SAMMSON: variants seen among roughly 807,000 people sequenced by gnomAD.
SAMMSON encodes survival associated mitochondrial melanoma specific oncogenic non-coding RNA, also known as long intergenic non-protein coding RNA 1212.
chr3:70,047,671 C>G (rs974253203), intron 3 of SAMMSON, among the ~76,000 whole-genome samples: 2 of 152,030 alleles, frequency 1.3e-5, no homozygotes, highest in Non-Finnish European at 2.9e-5. Flanking sequence ...GTGTCTTTTT[C>G]CATTTGTGAT....
chr3:70,131,584 T>C (rs534176121), intron 4 of SAMMSON, among the ~76,000 whole-genome samples: 5 of 152,076 alleles, frequency 3.3e-5, no homozygotes, highest in African/African-American at 1.2e-4. Context: ...TGCAAGGCAA[T>C]ATAATTTGCA....
At chr3:70,170,806 C>A (rs540141306) in intron 4 of SAMMSON, among the ~76,000 whole-genome samples, 1 of 151,808 alleles carries the variant, frequency 6.6e-6, no homozygotes, top group Non-Finnish European at 1.5e-5. Context: ...GAAAAATTAG[C>A]GAGTGCAGAG....
intron 7 of SAMMSON, among the ~76,000 whole-genome samples, chr3:70,294,110 A>C (rs1384260729): frequency 6.6e-6 from 1 of 152,162 alleles, no homozygotes; most frequent in Non-Finnish European, 1.5e-5. Context: ...TAAGTTTCCT[A>C]TTCTCAGTGT....
At chr3:70,408,791 C>T (rs542094252) in intron 2 of SAMMSON, among the ~76,000 whole-genome samples, 1 of 152,290 alleles carries the variant, frequency 6.6e-6, no homozygotes, top group East Asian at 1.9e-4. Context: ...GGTATCTTTT[C>T]AGCAATGCCC....
At chr3:70,285,015 T>C (rs867624560) in intron 6 of SAMMSON, among the ~76,000 whole-genome samples, 1 of 151,896 alleles carries the variant, frequency 6.6e-6, no homozygotes, top group African/African-American at 2.4e-5. Flanking sequence ...AAATTACCTA[T>C]TTTTTTATTT....
At position 70,292,936 on chromosome 3, in the gene SAMMSON, A is replaced by C. The variant is rs150332078; in HGVS notation, n.739+1693A>C. 2.8e-3 allele frequency among the ~76,000 whole-genome samples: 426 copies of C among 152,012 alleles called. 3 individuals are homozygous for C. Among genetic ancestry groups the C allele is most frequent in the African/African-American group, 9.4e-3 (390 of 41,496 alleles). On this transcript the variant is annotated intron_variant and non_coding_transcript_variant, in intron 7 of 9. Coordinates refer to ENST00000642114, the Ensembl canonical transcript of SAMMSON. ...TGATTTGAAATTATCTAACAAGAAAAACATACATACAATTAATTACTAACA... is the reference window on the plus strand; with the variant it reads ...TGATTTGAAATTATCTAACAAGAAACACATACATACAATTAATTACTAACA...
chr3:70,282,557 C>T (rs1702098276), intron 6 of SAMMSON, among the ~76,000 whole-genome samples: 1 of 152,130 alleles, frequency 6.6e-6, no homozygotes, highest in Admixed American at 6.5e-5. Context: ...TTTGAACATT[C>T]CAAGCAGTCT....
chr3:70,049,994 C>G (rs1290113059), intron 3 of SAMMSON, among the ~76,000 whole-genome samples: 1 of 152,014 alleles, frequency 6.6e-6, no homozygotes, highest in East Asian at 1.9e-4. Flanking sequence ...TTGCAAGATT[C>G]TATGTGCCAA....
At chr3:70,175,207 T>C (rs978862363) in intron 4 of SAMMSON, among the ~76,000 whole-genome samples, 1 of 152,112 alleles carries the variant, frequency 6.6e-6, no homozygotes, top group Non-Finnish European at 1.5e-5. Flanking sequence ...GATTTAATCA[T>C]GACCATAAGT....
chr3:70,412,127 A>T (rs1345185811), intron 2 of SAMMSON, among the ~76,000 whole-genome samples: 1 of 152,154 alleles, frequency 6.6e-6, no homozygotes, highest in Non-Finnish European at 1.5e-5. Flanking sequence ...TTCAATGCTG[A>T]TGAAAGTAAA....
At position 70,431,592 on chromosome 3, in the gene SAMMSON, G is replaced by A. The variant is rs1401686295; in HGVS notation, n.234-30968G>A. 2.0e-5 allele frequency among the ~76,000 whole-genome samples: 3 copies of A among 151,922 alleles called. No individual in the cohort carries two copies. The East Asian group carries it at 5.8e-4, about 29-fold the overall frequency. ...TTATGTAAATATATTTTATTGTGCTGGCCTCTGGGCATTTTTATTCAGCTA... is the reference window on the plus strand; with the variant it reads ...TTATGTAAATATATTTTATTGTGCTAGCCTCTGGGCATTTTTATTCAGCTA... On this transcript the variant is annotated intron_variant and non_coding_transcript_variant, in intron 2 of 3. Coordinates refer to the SAMMSON transcript ENST00000641053.
At chr3:70,284,962 A>G (rs1292506517) in intron 6 of SAMMSON, among the ~76,000 whole-genome samples, 1 of 152,192 alleles carries the variant, frequency 6.6e-6, no homozygotes, top group African/African-American at 2.4e-5. Flanking sequence ...TTGAAGTTTC[A>G]TTAACAATGT....
chr3:70,148,061 G>T (rs1488558709), intron 4 of SAMMSON, among the ~76,000 whole-genome samples: 2 of 152,026 alleles, frequency 1.3e-5, no homozygotes, highest in African/African-American at 4.8e-5. Flanking sequence ...TTAAGGAAAT[G>T]CAAATTAAAC....
At chr3:70,249,088 C>T (rs2106649163) in intron 4 of SAMMSON, 1 of 152,252 alleles carries the variant, frequency 6.6e-6, no homozygotes, top group East Asian at 1.9e-4. Flanking sequence ...ACCACAAAGT[C>T]CCTGATCTTT....
chr3:70,035,943 G>A (rs746832880), intron 3 of SAMMSON, among the ~76,000 whole-genome samples: 13 of 152,292 alleles, frequency 8.5e-5, no homozygotes, highest in South Asian at 4.1e-4. Flanking sequence ...TAGTTAGAAA[G>A]TGGGAGGATA....
At chr3:70,264,521 G>T (rs946212493) in intron 6 of SAMMSON, among the ~76,000 whole-genome samples, 1 of 152,200 alleles carries the variant, frequency 6.6e-6, no homozygotes, top group African/African-American at 2.4e-5. Context: ...GAATAACCAT[G>T]AGAATTTATT....
At chr3:70,017,578 C>T (rs1295229217) in intron 3 of SAMMSON, among the ~76,000 whole-genome samples, 1 of 152,058 alleles carries the variant, frequency 6.6e-6, no homozygotes, top group Admixed American at 6.6e-5. Context: ...CCTTTATTTC[C>T]TTCTCCTTCC....
rs904187809 is a variant in SAMMSON at position 70,055,379 on chromosome 3, T to C, written n.418-16097T>C. Among the ~76,000 whole-genome samples, 7 of 152,194 alleles carry C rather than the reference T, an allele frequency of 4.6e-5. No individual in the cohort carries two copies. The South Asian group carries it at 6.2e-4, about 13-fold the overall frequency. The stretch of plus-strand genomic sequence containing the variant: ...GTCTATACACATCCCAATCTACTTA[T>C]ATTTTTAATCTGTACTATATTTGGT... On this transcript the variant is annotated intron_variant and non_coding_transcript_variant, in intron 3 of 9. Coordinates refer to ENST00000642114, the Ensembl canonical transcript of SAMMSON.
intron 1 of SAMMSON, among the ~76,000 whole-genome samples, chr3:70,009,523 T>G (rs1300950210): frequency 6.6e-6 from 1 of 152,220 alleles, no homozygotes; most frequent in East Asian, 1.9e-4. Context: ...TTGATTCTTC[T>G]CTCTTTTCTT....
Sources: gnomAD v4.1 joint callset for allele counts (sites outside exome capture counted in the v4.1 genomes callset) on GRCh38, gnomAD v4.1.1 for gene constraint, MANE v1.5 for transcripts, NCBI Gene and HGNC (gene_info 2026-07-23, HGNC 2026-07-21) for gene names.